GALC: variants seen among roughly 807,000 people sequenced by gnomAD.
GALC encodes the protein galactocerebrosidase.
A neutral mutation model predicts 91.8 loss-of-function variants in GALC; 77 were observed. The observed-to-expected ratio is 0.84, with a 90% CI of 0.70 to 1.01. GALC has a LOEUF of 1.01. GALC is among the 50% of genes least tolerant of loss of function. The pLI, the probability that GALC is intolerant of heterozygous loss-of-function variation, is 0.00. For missense variants in GALC, 882 were observed against 855.9 expected (o/e 1.03, Z -0.38); for synonymous variants, 357 against 306.7 (o/e 1.16, Z -1.71).
Position 87,968,326 on chromosome 14 carries a change from A to G in GALC, c.908+9T>C, listed in dbSNP as rs1172078647. ...TGATAAGAACTCTAAAAGGTTTTTA[A>G]TAACTTACGAAGTCATATAGCCATT... is the stretch of plus-strand genomic sequence containing the variant. On this transcript the variant is annotated intron_variant, in intron 8 of 16. Coordinates refer to ENST00000261304, the MANE Select transcript of GALC (RefSeq NM_000153.4). 6.2e-7 allele frequency: 1 copy of G among 1,604,010 alleles called. No homozygotes were observed. The highest frequency in any genetic ancestry group is 1.1e-5 in the South Asian group (1 of 89,726).
At position 87,934,098 on chromosome 14, in the gene GALC, C is replaced by A; in HGVS notation, c.*634G>T. ...AATAACCCAATTAATCTGCTAATAT[C>A]TATTACTGCAGAAATAGTGTTAGAG... On this transcript the variant is annotated 3_prime_UTR_variant, in exon 17 of 17. Transcript: ENST00000261304. 1 of 1,513,210 alleles carries A rather than the reference C, an allele frequency of 6.6e-7. No individual in the cohort carries two copies. Among genetic ancestry groups the A allele is most frequent in the Non-Finnish European group, 8.8e-7 (1 of 1,131,004 alleles). The allele number at this position is 1,513,210 out of a possible 1,614,324, so 93.7% of individuals were successfully genotyped here. A position where few individuals can be genotyped will look rare whatever the true frequency, so the allele number is the denominator to read the frequency against.
chr14:87,987,713 T>C (rs1236547855), intron 3 of GALC: 1 of 162,946 alleles, frequency 6.1e-6, no homozygotes, highest in Non-Finnish European at 1.3e-5. Flanking sequence ...GACTGAAGAT[T>C]TAGTGATTAA....
intron 10 of GALC, among the ~76,000 whole-genome samples, chr14:87,955,706 C>T (rs1295977092): frequency 2.0e-5 from 3 of 151,928 alleles, no homozygotes; most frequent in East Asian, 3.9e-4. Flanking sequence ...GCATTGAAAA[C>T]GAAGGAAATG....
Position 87,970,379 on chromosome 14 carries a change from A to G in GALC, c.753-1889T>C, listed in dbSNP as rs116452475. 2.9e-3 allele frequency among the ~76,000 whole-genome samples: 448 copies of G among 152,228 alleles called. 1 individual carries two copies. Among genetic ancestry groups the G allele is most frequent in the African/African-American group, 0.01 (426 of 41,558 alleles). ...TTTCTACATTTTCCAAATTTTCTAT[A>G]ATGAGCATATTATATTTATAAAATG... is the stretch of plus-strand genomic sequence containing the variant. On this transcript the variant is annotated intron_variant, in intron 7 of 16. Transcript: ENST00000261304.
chr14:87,965,465 G>C, intron 9 of GALC, 40 bp downstream of exon 9: 1 of 1,607,602 alleles, frequency 6.2e-7, no homozygotes, highest in East Asian at 2.2e-5. Flanking sequence ...TTGTCTCTTA[G>C]AGAAGAATTT....
chr14:87,969,726 GT>G (rs1266694881), intron 7 of GALC, among the ~76,000 whole-genome samples: 3 of 152,208 alleles, frequency 2.0e-5, no homozygotes, highest in African/African-American at 7.2e-5. Context: ...TTACTTTTTA[GT>G]TATTTAATTC....
intron 7 of GALC, among the ~76,000 whole-genome samples, chr14:87,970,452 T>C (rs2140005264): frequency 6.6e-6 from 1 of 152,126 alleles, no homozygotes; most frequent in South Asian, 2.1e-4. Context: ...ATATCCTTCA[T>C]TCAGAAAATG....
intron 10 of GALC, 25 bp downstream of exon 10, chr14:87,963,359 T>C: frequency 1.2e-6 from 2 of 1,610,178 alleles, no homozygotes; most frequent in Non-Finnish European, 1.7e-6. Flanking sequence ...AGTGAGTTAA[T>C]CCAATAGCAA....
chr14:87,968,638 T>C (rs1456469427), intron 7 of GALC, 148 bp from the exon 8 acceptor site: 1 of 758,856 alleles, frequency 1.3e-6, no homozygotes, highest in Admixed American at 2.3e-5. Context: ...AGATAATGAA[T>C]CTAAGCATCT....
intron 7 of GALC, among the ~76,000 whole-genome samples, chr14:87,970,990 C>A (rs1595221107): frequency 6.6e-6 from 1 of 151,716 alleles, no homozygotes; most frequent in East Asian, 1.9e-4. Flanking sequence ...AAATTAAGAT[C>A]AATGAAAGTA....
rs1051675875 is a variant in GALC at position 87,982,074 on chromosome 14, C to A, written c.621+131G>T. On this transcript the variant is annotated intron_variant, in intron 6 of 16. Coordinates refer to ENST00000261304, the MANE Select transcript of GALC (RefSeq NM_000153.4). Reference sequence around the variant, plus strand: ...TGCTTGAATTTTATGTCACAACCAGCAAAATAAATAACTGTAGTATAAAAA... The same window carrying A: ...TGCTTGAATTTTATGTCACAACCAGAAAAATAAATAACTGTAGTATAAAAA... 1.3e-5 allele frequency: 7 copies of A among 524,310 alleles called. No individual in the cohort carries two copies. The Admixed American group carries it at 1.5e-4, about 11-fold the overall frequency. 32.5% of individuals were successfully genotyped at this position (524,310 alleles called of 1,614,324 possible).
intron 5 of GALC, among the ~76,000 whole-genome samples, chr14:87,983,637 T>C (rs1346205147): frequency 6.6e-6 from 1 of 152,176 alleles, no homozygotes; most frequent in Non-Finnish European, 1.5e-5. Context: ...TAACTGATGG[T>C]ATATTAATAA....
In GALC at chr14:87,993,144, C is replaced by G. The variant is rs766813210; in HGVS notation, c.21G>C (p.Ser7=). Residue 7 remains serine (S), a synonymous_variant, in exon 1 of 17, where the codon TCG becomes TCC. Transcript: ENST00000261304. Reference sequence around the variant, plus strand: ...CTTTCGCTCGGCGTTGCCAGGAAGCCGAGAGTAGCCACTCAGCCATTGTGT... The same window carrying G: ...CTTTCGCTCGGCGTTGCCAGGAAGCGGAGAGTAGCCACTCAGCCATTGTGT... MAEWLL[S]ASWQRRAKAM... 12 of 1,582,308 alleles carry G rather than the reference C, an allele frequency of 7.6e-6. No homozygotes were observed.
At chr14:87,952,320 G>A (rs958486017) in intron 10 of GALC, among the ~76,000 whole-genome samples, 1 of 151,872 alleles carries the variant, frequency 6.6e-6, no homozygotes, top group Admixed American at 6.6e-5. Context: ...TTACCTAGGG[G>A]GAGAGGCAAG....
rs941906996 is a variant in GALC, at chr14:87,945,752, A to G, written c.1490-19T>C. ...GGGTAATCTGTTCAGAATGTAAGAA[A>G]TTCTCTGTTTAGTATCAAATCCTTC... On this transcript the variant is annotated intron_variant, in intron 13 of 16. Transcript: ENST00000261304. 8.2e-6 allele frequency: 13 copies of G among 1,592,844 alleles called. No individual in the cohort carries two copies. Among genetic ancestry groups the G allele is most frequent in the Non-Finnish European group, 1.1e-5 (13 of 1,162,888 alleles).
chr14:87,952,540 T>C, intron 10 of GALC: 1 of 839,464 alleles, frequency 1.2e-6, no homozygotes, highest in Non-Finnish European at 2.0e-6. Flanking sequence ...GTTGCTCCAC[T>C]AAAAATGACA....
At chr14:87,952,476 C>T (rs548216133) in intron 10 of GALC, 2 of 561,948 alleles carry the variant, frequency 3.6e-6, no homozygotes, top group African/African-American at 3.8e-5. Context: ...TAGGCATAAG[C>T]TAAACCACAA....
Position 87,986,610 on chromosome 14 carries a change from G to T in GALC, c.329-8C>A. ...GGGAGGGCTCAGTGCCGTCTGAATA[G>T]AGGAGAGCAAAAACGGAAGTAATGA... On this transcript the variant is annotated splice_polypyrimidine_tract_variant and splice_region_variant and intron_variant, in intron 3 of 16. Coordinates refer to ENST00000261304, the MANE Select transcript of GALC (RefSeq NM_000153.4). 1 of 1,565,268 alleles carries T rather than the reference G, an allele frequency of 6.4e-7. No individual in the cohort carries two copies. The highest frequency in any genetic ancestry group is 8.8e-7 in the Non-Finnish European group (1 of 1,135,692).
At chr14:87,944,431 C>T (rs1884983185) in intron 14 of GALC, among the ~76,000 whole-genome samples, 1 of 151,964 alleles carries the variant, frequency 6.6e-6, no homozygotes, top group Non-Finnish European at 1.5e-5. Flanking sequence ...AACCCAGCCA[C>T]TGGACTTAAA....
Sources: gnomAD v4.1 joint callset for allele counts (sites outside exome capture counted in the v4.1 genomes callset) on GRCh38, gnomAD v4.1.1 for gene constraint, MANE v1.5 for transcripts, NCBI Gene and HGNC (gene_info 2026-07-23, HGNC 2026-07-21) for gene names.